The following SGMS1 variants were observed in gnomAD, a reference collection of about 807,000 sequenced individuals.
SGMS1 encodes the protein phosphatidylcholine:ceramide cholinephosphotransferase 1.
SGMS1 carries 13 observed loss-of-function variants against 46.2 expected under a neutral mutation model. The observed-to-expected ratio is 0.28, with a 90% CI of 0.18 to 0.45. The LOEUF (loss-of-function observed/expected upper bound fraction) is 0.45, where lower values mean the gene tolerates loss of function less well. Among genes scored for constraint, SGMS1 ranks in the 20% least tolerant of loss-of-function variants. SGMS1 has a pLI of 1.00. For synonymous variants in SGMS1, 203 were observed against 187.8 expected, an observed-to-expected ratio of 1.08 and a Z score of -0.66; for missense variants, 324 against 519.9, an observed-to-expected ratio of 0.62 and a Z score of 3.66.
intron 7 of SGMS1, among the ~76,000 whole-genome samples, chr10:50,337,629 T>C (rs1847737013): frequency 6.6e-6 from 1 of 152,116 alleles, no homozygotes; most frequent in Non-Finnish European, 1.5e-5. Flanking sequence ...GAAACACTGA[T>C]GGGATTAAAA....
chr10:50,410,430 T>G (rs988756378), intron 6 of SGMS1, among the ~76,000 whole-genome samples: 18 of 152,178 alleles, frequency 1.2e-4, no homozygotes, highest in African/African-American at 3.9e-4. Flanking sequence ...CTGACCACAC[T>G]TGTGGTGACA....
At chr10:50,354,678 T>G (rs897811647) in intron 6 of SGMS1, among the ~76,000 whole-genome samples, 17 of 152,228 alleles carry the variant, frequency 1.1e-4, no homozygotes, top group African/African-American at 4.1e-4. Flanking sequence ...GAGAAAAGTT[T>G]TGCAATCTAC....
chr10:50,550,481 C>T (rs1838138860), intron 2 of SGMS1, among the ~76,000 whole-genome samples: 4 of 152,150 alleles, frequency 2.6e-5, no homozygotes, highest in Admixed American at 2.6e-4. Flanking sequence ...AGTTAACATG[C>T]CTTGGACTGG....
rs147778309 is a variant in SGMS1, at chr10:50,459,957, T to C, written c.-313+716A>G. On this transcript the variant is annotated intron_variant, in intron 5 of 10. Transcript: ENST00000361781. ...AGCACAAGGTACATTTGTAGTGTTCTTCATTGGTAGATGGAAAAAAAAAAA... is the reference window on the plus strand; with the variant it reads ...AGCACAAGGTACATTTGTAGTGTTCCTCATTGGTAGATGGAAAAAAAAAAA... The C allele has an allele frequency of 9.3e-4, 142 of 152,174 alleles. 1 individual carries two copies. The highest frequency in any genetic ancestry group is 3.4e-3 in the African/African-American group (139 of 41,492). 9.4% of individuals were successfully genotyped at this position (152,174 alleles called of 1,614,324 possible). A position where few individuals can be genotyped will look rare whatever the true frequency, so the allele number is the denominator to read the frequency against.
At chr10:50,412,942 C>T (rs983898289) in intron 6 of SGMS1, among the ~76,000 whole-genome samples, 3 of 152,152 alleles carry the variant, frequency 2.0e-5, no homozygotes, top group Non-Finnish European at 2.9e-5. Context: ...TCTGTAAAGA[C>T]ATTTACTTCT....
chr10:50,567,497 T>A (rs535501710), intron 2 of SGMS1, among the ~76,000 whole-genome samples: 3 of 152,290 alleles, frequency 2.0e-5, no homozygotes, highest in African/African-American at 7.2e-5. Flanking sequence ...AAATCTGGAT[T>A]TCCATGAAAA....
At chr10:50,496,183 G>A (rs1422836069) in intron 3 of SGMS1, among the ~76,000 whole-genome samples, 2 of 152,020 alleles carry the variant, frequency 1.3e-5, no homozygotes, top group East Asian at 3.9e-4. Context: ...GCAGGAAAAG[G>A]GCCTACAAAA....
In SGMS1 at chr10:50,589,167, TATGTACAGTACAAGTTCC is replaced by T. The variant is rs1293470860; in HGVS notation, c.-589+968_-589+985del. ...GCACAGTAATTTCTCTCTTGGGGTA[TATGTACAGTACAAGTTCC>T]ATGCCTTTATATTCAGATTTTTCTC... is the stretch of plus-strand genomic sequence containing the variant. On this transcript the variant is annotated intron_variant, in intron 2 of 10. Transcript: ENST00000361781. Among the ~76,000 whole-genome samples the T allele has an allele frequency of 5.3e-5, 8 of 152,344 alleles. No individual in the cohort carries two copies. The East Asian group carries it at 1.5e-3, about 29-fold the overall frequency.
At chr10:50,398,785 T>C (rs1419112598) in intron 6 of SGMS1, among the ~76,000 whole-genome samples, 1 of 151,960 alleles carries the variant, frequency 6.6e-6, no homozygotes, top group African/African-American at 2.4e-5. Context: ...TTTGTCTCTA[T>C]GGAATGGAAA....
chr10:50,470,961 C>T (rs540635468), intron 3 of SGMS1, among the ~76,000 whole-genome samples: 1 of 152,294 alleles, frequency 6.6e-6, no homozygotes, highest in South Asian at 2.1e-4. Context: ...CAGACTTACA[C>T]ATTGCAATCT....
chr10:50,557,135 T>A (rs1187227811), intron 2 of SGMS1, among the ~76,000 whole-genome samples: 2 of 152,246 alleles, frequency 1.3e-5, no homozygotes, highest in African/African-American at 4.8e-5. Context: ...CAGATAATGC[T>A]CATAGGCATT....
intron 2 of SGMS1, among the ~76,000 whole-genome samples, chr10:50,587,629 A>ATGTGTGTGTG (rs1360715847): frequency 1.3e-5 from 1 of 78,914 alleles, no homozygotes; most frequent in Admixed American, 1.5e-4. Flanking sequence ...ATCTCAAAAT[A>ATGTGTGTGTG]TATATGTGTG....
At chr10:50,620,545 G>A (rs1424411802) in intron 1 of SGMS1, among the ~76,000 whole-genome samples, 1 of 152,220 alleles carries the variant, frequency 6.6e-6, no homozygotes, top group Non-Finnish European at 1.5e-5. Context: ...TCAAATTTGT[G>A]TGAGAAAATG....
At chr10:50,558,119 G>A (rs868254253) in intron 2 of SGMS1, among the ~76,000 whole-genome samples, 29 of 152,248 alleles carry the variant, frequency 1.9e-4, no homozygotes, top group African/African-American at 7.0e-4. Context: ...CAACTAAGTG[G>A]CAGAGCCAAA....
intron 6 of SGMS1, among the ~76,000 whole-genome samples, chr10:50,347,460 C>T (rs922476635): frequency 1.1e-4 from 17 of 152,192 alleles, no homozygotes; most frequent in African/African-American, 3.4e-4. Flanking sequence ...GCCACCAGTA[C>T]TGCCCAGAGA....
At chr10:50,590,435 C>T (rs1838529465) in intron 1 of SGMS1, among the ~76,000 whole-genome samples, 188 bp from the exon 2 acceptor site, 1 of 152,122 alleles carries the variant, frequency 6.6e-6, no homozygotes, top group Non-Finnish European at 1.5e-5. Context: ...TAGGGAACAA[C>T]TATCAGCCCC....
At chr10:50,343,433 T>C (rs1357271926) in intron 7 of SGMS1, 59 bp downstream of exon 7, 2 of 1,466,096 alleles carry the variant, frequency 1.4e-6, no homozygotes, top group East Asian at 4.6e-5. Flanking sequence ...AAATAATAAG[T>C]AGATGTTTGG....
At chr10:50,591,859 C>T (rs1564439634) in intron 1 of SGMS1, among the ~76,000 whole-genome samples, 2 of 152,214 alleles carry the variant, frequency 1.3e-5, no homozygotes, top group Admixed American at 6.5e-5. Flanking sequence ...CCCTACTTGG[C>T]GCTTCATCTG....
At chr10:50,574,963 G>GTGTATATATATATATATATA (rs1554793448) in intron 2 of SGMS1, among the ~76,000 whole-genome samples, 3 of 99,864 alleles carry the variant, frequency 3.0e-5, no homozygotes, top group Non-Finnish European at 4.5e-5. Flanking sequence ...AAAATGTGGT[G>GTGTATATATATATATATATA]TATATATATA....
Sources: allele counts gnomAD v4.1 joint callset (sites outside exome capture counted in the v4.1 genomes callset), GRCh38; gene constraint gnomAD v4.1.1; transcripts MANE v1.5; gene names NCBI Gene and HGNC (gene_info 2026-07-23, HGNC 2026-07-21).